CMIP: variants seen among roughly 807,000 people sequenced by gnomAD.
CMIP encodes c-Maf inducing protein, also known as C-Maf-inducing protein.
Under a neutral mutation model 97.3 loss-of-function variants are expected in CMIP, and 13 were observed. That is an observed-to-expected ratio of 0.13 (90% CI 0.09 to 0.21). CMIP has a LOEUF of 0.21. Ranked by LOEUF, CMIP falls within the 10% of genes least tolerant of loss-of-function variation. CMIP has a pLI of 1.00. For missense variants in CMIP, 847 were observed against 1,024.9 expected (o/e 0.83, Z 2.37); for synonymous variants, 538 against 436.3 (o/e 1.23, Z -2.91).
rs1229134414 is a variant in CMIP, at chr16:81,453,467, C to A, written c.300+7926C>A. On this transcript the variant is annotated intron_variant, in intron 1 of 20. Transcript: ENST00000537098. This position sits in a 1 kb window ranked among gnomAD's most constrained non-coding sequence, Gnocchi z 4.0. ...CTTCTCTGGGTGTCCTGGGCCAGTGCCAGTTTCCTTAGAGGTCCAGGATAT... is the reference window on the plus strand; with the variant it reads ...CTTCTCTGGGTGTCCTGGGCCAGTGACAGTTTCCTTAGAGGTCCAGGATAT... 6.6e-6 allele frequency among the ~76,000 whole-genome samples: 1 copy of A among 152,188 alleles called. No homozygotes were observed. The highest frequency in any genetic ancestry group is 2.4e-5 in the African/African-American group (1 of 41,434).
chr16:81,649,350 C>T (rs973091575), intron 3 of CMIP, among the ~76,000 whole-genome samples: 5 of 152,234 alleles, frequency 3.3e-5, no homozygotes, highest in African/African-American at 4.8e-5. Flanking sequence ...CTGGGTGTAC[C>T]GACCCCGAGG....
At chr16:81,449,679 C>A (rs866412420) in intron 1 of CMIP, among the ~76,000 whole-genome samples, 23 of 151,506 alleles carry the variant, frequency 1.5e-4, no homozygotes, top group African/African-American at 2.4e-4. Flanking sequence ...TCCCCCCCCC[C>A]CTTTCCATGC....
intron 1 of CMIP, among the ~76,000 whole-genome samples, chr16:81,535,953 C>CAG (rs545946932): frequency 6.6e-6 from 1 of 152,172 alleles, no homozygotes; most frequent in Non-Finnish European, 1.5e-5. Flanking sequence ...GATCTCCTCC[C>CAG]AGAGAGAGTC....
intron 1 of CMIP, among the ~76,000 whole-genome samples, chr16:81,522,639 C>T (rs2090050400): frequency 6.6e-6 from 1 of 151,342 alleles, no homozygotes. Context: ...AACAAATAAA[C>T]AAGCAAACAG....
intron 3 of CMIP, chr16:81,631,749 GTTACGAATAGACCA>G: frequency 6.6e-6 from 1 of 152,338 alleles, no homozygotes; most frequent in East Asian, 1.9e-4. Context: ...GTTTGGGGCT[GTTACGAATAGACCA>G]TTGTAAACAC....
chr16:81,550,047 A>G (rs1214399156), intron 1 of CMIP, among the ~76,000 whole-genome samples: 1 of 152,188 alleles, frequency 6.6e-6, no homozygotes, highest in Non-Finnish European at 1.5e-5. Flanking sequence ...GTGTGTCAGA[A>G]TTATTGTGCG....
At chr16:81,545,715 C>A (rs1009959020) in intron 1 of CMIP, among the ~76,000 whole-genome samples, 1 of 152,214 alleles carries the variant, frequency 6.6e-6, no homozygotes, top group Non-Finnish European at 1.5e-5. Flanking sequence ...CCCTCCTCAG[C>A]ATTGTTTCCA....
intron 1 of CMIP, among the ~76,000 whole-genome samples, chr16:81,596,864 C>T (rs2091566073): frequency 1.3e-5 from 2 of 152,194 alleles, no homozygotes; most frequent in African/African-American, 4.8e-5. Context: ...TCAGGTGCAC[C>T]TCTTTCTGAA....
In CMIP at chr16:81,696,671, C is replaced by A. The variant is rs79979027; in HGVS notation, c.1638+4C>A. 3,524 of 1,604,100 alleles carry A rather than the reference C, an allele frequency of 2.2e-3. 60 individuals carry two copies. The African/African-American group carries it at 0.04, about 18-fold the overall frequency. Reference sequence around the variant, plus strand: ...CGGGGAGCTGTTCGCCAGCATGGTACGCAGTGGGACCCCAGTGGGGTGACT... The same window carrying A: ...CGGGGAGCTGTTCGCCAGCATGGTAAGCAGTGGGACCCCAGTGGGGTGACT... On this transcript the variant is annotated splice_donor_region_variant and intron_variant, in intron 14 of 20. Transcript: ENST00000537098.
At chr16:81,454,006 C>A (rs1906395062) in intron 1 of CMIP, among the ~76,000 whole-genome samples, 1 of 152,156 alleles carries the variant, frequency 6.6e-6, no homozygotes, top group Non-Finnish European at 1.5e-5. Flanking sequence ...AGCAGCAGAT[C>A]TTGAGGTCTC....
At chr16:81,642,135 A>C (rs1298873265) in intron 3 of CMIP, among the ~76,000 whole-genome samples, 1 of 152,250 alleles carries the variant, frequency 6.6e-6, no homozygotes, top group Non-Finnish European at 1.5e-5. Context: ...CTCGTCATTC[A>C]TCAGAACCCA....
At chr16:81,558,440 G>A (rs60637106) in intron 1 of CMIP, among the ~76,000 whole-genome samples, 13,639 of 152,266 alleles carry the variant, frequency 0.09, 685 homozygotes, top group South Asian at 0.16. Context: ...TAAGTTTTTG[G>A]GGACCTGCCA....
rs1038225522 is a variant in CMIP at position 81,614,932 on chromosome 16, CTGTGTGTGGTGTGTGCA to C, written c.427-5929_427-5913del. On this transcript the variant is annotated intron_variant, in intron 2 of 20. Coordinates refer to ENST00000537098, the MANE Select transcript of CMIP (RefSeq NM_198390.3). The surrounding 1 kb of genome is among the most constrained non-coding windows in gnomAD (Gnocchi z 5.3). ...TATGTGGTGTGCATAGTGTGTATCT[CTGTGTGTGGTGTGTGCA>C]TGTGTGTGGTGTGTTGTGTGATATG... Among the ~76,000 whole-genome samples, 11 of 145,844 alleles carry C rather than the reference CTGTGTGTGGTGTGTGCA, an allele frequency of 7.5e-5. No homozygotes were observed. The highest frequency in any genetic ancestry group is 4.0e-3 in the Middle Eastern group (1 of 252).
intron 1 of CMIP, among the ~76,000 whole-genome samples, chr16:81,539,363 G>A (rs1446960374): frequency 6.6e-6 from 1 of 150,938 alleles, no homozygotes; most frequent in African/African-American, 2.5e-5. Context: ...ACAATGTCTG[G>A]CTGTTCAGGG....
At chr16:81,478,492 A>AG (rs1226798241) in intron 1 of CMIP, among the ~76,000 whole-genome samples, 5 of 152,172 alleles carry the variant, frequency 3.3e-5, no homozygotes, top group Non-Finnish European at 4.4e-5. Context: ...TCAGTCAGGG[A>AG]GGCCACCGAG....
chr16:81,645,725 G>A (rs1231601965), intron 3 of CMIP: 23 of 1,103,976 alleles, frequency 2.1e-5, no homozygotes, highest in Admixed American at 6.0e-5. Context: ...GCTTGGGCTC[G>A]GATGTGGGGA....
At chr16:81,580,138 T>C (rs1275482340) in intron 1 of CMIP, among the ~76,000 whole-genome samples, 2 of 152,188 alleles carry the variant, frequency 1.3e-5, no homozygotes, top group Non-Finnish European at 2.9e-5. Context: ...CCTAACCTGC[T>C]TAGCTGCCTT....
At chr16:81,692,183 C>T (rs370517804) in intron 11 of CMIP, among the ~76,000 whole-genome samples, 2 of 152,206 alleles carry the variant, frequency 1.3e-5, no homozygotes, top group East Asian at 1.9e-4. Flanking sequence ...CAGATGGGAA[C>T]CGTAATACCT....
At chr16:81,623,967 C>A (rs369688323) in intron 3 of CMIP, among the ~76,000 whole-genome samples, 11 of 152,178 alleles carry the variant, frequency 7.2e-5, no homozygotes, top group South Asian at 2.1e-4. Context: ...TCACACCGTG[C>A]TTTTCTCTGA....
Sources: allele counts gnomAD v4.1 joint callset (sites outside exome capture counted in the v4.1 genomes callset), GRCh38; gene constraint gnomAD v4.1.1; non-coding constraint Gnocchi (gnomAD v3.1); transcripts MANE v1.5; gene names NCBI Gene and HGNC (gene_info 2026-07-23, HGNC 2026-07-21).